The following MACROD2 variants were observed in gnomAD, a reference collection of about 807,000 sequenced individuals.
MACROD2 encodes ADP-ribose glycohydrolase MACROD2.
MACROD2 carries 36 observed loss-of-function variants against 70.4 expected under a neutral mutation model. The ratio of observed to expected loss-of-function variants is 0.51; its 90% CI spans 0.39 to 0.68. The LOEUF (loss-of-function observed/expected upper bound fraction) is 0.68. Ranked by LOEUF, MACROD2 falls within the 30% of genes least tolerant of loss-of-function variation. The pLI, the probability that MACROD2 is intolerant of heterozygous loss-of-function variation, is 0.00. For synonymous variants in MACROD2, 172 were observed against 178.8 expected (o/e 0.96, Z 0.30); for missense variants, 496 against 538.4 (o/e 0.92, Z 0.78).
intron 7 of MACROD2, among the ~76,000 whole-genome samples, chr20:15,470,474 G>C (rs961961613): frequency 2.6e-5 from 4 of 152,096 alleles, no homozygotes; most frequent in African/African-American, 9.7e-5. Flanking sequence ...CCTTCAACAG[G>C]GGTTGGAGGG....
intron 4 of MACROD2, among the ~76,000 whole-genome samples, chr20:14,518,937 A>G (rs2085134363): frequency 6.6e-6 from 1 of 152,210 alleles, no homozygotes; most frequent in Non-Finnish European, 1.5e-5. Context: ...TCATGACATT[A>G]TGAAAGCAGA....
intron 4 of MACROD2, among the ~76,000 whole-genome samples, chr20:14,599,922 G>C (rs1258161204): frequency 6.6e-6 from 1 of 152,066 alleles, no homozygotes; most frequent in Admixed American, 6.5e-5. Context: ...AACTGAGATA[G>C]CTATCACTGA....
chr20:15,758,462 C>G (rs1247573101), intron 8 of MACROD2, among the ~76,000 whole-genome samples: 1 of 151,206 alleles, frequency 6.6e-6, no homozygotes, highest in East Asian at 2.0e-4. Flanking sequence ...CTGGACTTGA[C>G]CTCCTGACCC....
At chr20:14,277,183 C>T (rs553939453) in intron 3 of MACROD2, among the ~76,000 whole-genome samples, 1 of 151,958 alleles carries the variant, frequency 6.6e-6, no homozygotes, top group Non-Finnish European at 1.5e-5. Flanking sequence ...GGCACTGTGG[C>T]TCACGCCTGT....
chr20:14,399,437 T>C (rs942662593), intron 3 of MACROD2, among the ~76,000 whole-genome samples: 2 of 152,150 alleles, frequency 1.3e-5, no homozygotes, highest in African/African-American at 4.8e-5. Flanking sequence ...CATGGAGAAG[T>C]CTGCTGTCAT....
intron 3 of MACROD2, among the ~76,000 whole-genome samples, chr20:14,397,460 A>C (rs185485203): frequency 6.6e-6 from 1 of 152,240 alleles, no homozygotes; most frequent in Non-Finnish European, 1.5e-5. Flanking sequence ...TAGTTTATGT[A>C]TGTAACAAGC....
intron 2 of MACROD2, among the ~76,000 whole-genome samples, chr20:14,023,352 C>T (rs774488426): frequency 1.6e-4 from 25 of 152,304 alleles, no homozygotes; most frequent in African/African-American, 7.2e-5. Context: ...TGTAGGTTGT[C>T]TGTTCACTCT....
rs559300457 is a variant in MACROD2 at position 14,082,439 on chromosome 20, G to A, written c.164-3182G>A. Among the ~76,000 whole-genome samples the A allele has an allele frequency of 7.5e-3, 1,101 of 146,064 alleles. 13 individuals carry two copies. Among genetic ancestry groups the A allele is most frequent in the African/African-American group, 0.026 (1,041 of 39,400 alleles). The stretch of plus-strand genomic sequence containing the variant: ...GATCTCCTGACCTCATGATCCACCC[G>A]CCTCAGCCTCCCAAAGTGTTGGGAT... On this transcript the variant is annotated intron_variant, in intron 2 of 17. Transcript: ENST00000684519.
At chr20:15,208,089 T>C (rs1335631422) in intron 5 of MACROD2, among the ~76,000 whole-genome samples, 1 of 151,854 alleles carries the variant, frequency 6.6e-6, no homozygotes, top group Non-Finnish European at 1.5e-5. Flanking sequence ...AACTCTATTT[T>C]TTTTGACGTT....
chr20:15,868,331 A>G (rs1233464335), intron 9 of MACROD2, among the ~76,000 whole-genome samples: 2 of 151,980 alleles, frequency 1.3e-5, no homozygotes, highest in African/African-American at 4.8e-5. Flanking sequence ...ACAGATTTCT[A>G]TATCTTGACC....
intron 3 of MACROD2, among the ~76,000 whole-genome samples, chr20:14,134,810 A>AAC (rs2054771713): frequency 6.6e-6 from 1 of 151,408 alleles, no homozygotes; most frequent in Non-Finnish European, 1.5e-5. Flanking sequence ...TCAAAAAAAA[A>AAC]AAAAAAAAAA....
At chr20:15,255,620 A>G (rs1031600965) in intron 6 of MACROD2, among the ~76,000 whole-genome samples, 5 of 152,122 alleles carry the variant, frequency 3.3e-5, no homozygotes, top group Non-Finnish European at 7.4e-5. Flanking sequence ...GTGAGGTGAA[A>G]GATTTAAAGC....
rs1377741967 is a variant in MACROD2 at position 14,862,658 on chromosome 20, T to A, written c.418+177699T>A. Among the ~76,000 whole-genome samples the A allele has an allele frequency of 2.8e-3, 126 of 45,460 alleles. 5 individuals carry two copies. Among genetic ancestry groups the A allele is most frequent in the Non-Finnish European group, 3.5e-3 (89 of 25,494 alleles). The allele number at this position is 45,460 out of a possible 152,430, so 29.8% of individuals were successfully genotyped here. A position where few individuals can be genotyped will look rare whatever the true frequency, so the allele number is the denominator to read the frequency against. ...ATATATATAAATATATATATATAAA[T>A]ATATATATAAATATATATAAATATA... is the stretch of plus-strand genomic sequence containing the variant. On this transcript the variant is annotated intron_variant, in intron 5 of 17. Transcript: ENST00000684519.
intron 5 of MACROD2, among the ~76,000 whole-genome samples, chr20:14,858,932 C>CTT (rs1425162639): frequency 6.6e-6 from 1 of 152,014 alleles, no homozygotes; most frequent in African/African-American, 2.4e-5. Context: ...ACATGAAGTA[C>CTT]TAATTTAAAG....
intron 8 of MACROD2, among the ~76,000 whole-genome samples, chr20:15,653,241 A>G (rs1040246837): frequency 1.3e-5 from 2 of 152,222 alleles, no homozygotes; most frequent in African/African-American, 4.8e-5. Flanking sequence ...ATAAATTGCT[A>G]TGTCTTTTAT....
rs1369248292 is a variant in MACROD2, at chr20:14,515,465, G to GCGCACACACACACACACA, written c.301+21958_301+21959insGCACACACACACACACAC. Among the ~76,000 whole-genome samples the GCGCACACACACACACACA allele has an allele frequency of 7.7e-3, 975 of 127,116 alleles. 7 individuals are homozygous for GCGCACACACACACACACA. The highest frequency in any genetic ancestry group is 0.018 in the African/African-American group (588 of 31,918). 83.4% of individuals were successfully genotyped at this position (127,116 alleles called of 152,430 possible). ...AAGAATATGTGAGATACACACACAC[G>GCGCACACACACACACACA]CACACACACACACACACACACACAC... On this transcript the variant is annotated intron_variant, in intron 4 of 17. Coordinates refer to ENST00000684519, the MANE Select transcript of MACROD2 (RefSeq NM_001351661.2).
chr20:14,799,917 C>T (rs558254924), intron 5 of MACROD2, among the ~76,000 whole-genome samples: 5 of 152,166 alleles, frequency 3.3e-5, no homozygotes, highest in Non-Finnish European at 5.9e-5. Context: ...AGAAAGATAA[C>T]GCTTTTCTCT....
chr20:14,177,490 A>C (rs556436562), intron 3 of MACROD2, among the ~76,000 whole-genome samples: 6 of 151,898 alleles, frequency 4.0e-5, no homozygotes, highest in African/African-American at 1.4e-4. Flanking sequence ...CTAATTTTGT[A>C]TTTTTAGTAG....
At position 15,613,287 on chromosome 20, in the gene MACROD2, G is replaced by A. The variant is rs375181643; in HGVS notation, c.645+113440G>A. ...TCCAACGTCTTTGTCTACTTATTAT[G>A]ACAGCTTGTTCTCTCCTGATTGGGG... On this transcript the variant is annotated intron_variant, in intron 8 of 17. Coordinates refer to ENST00000684519, the MANE Select transcript of MACROD2 (RefSeq NM_001351661.2). Among the ~76,000 whole-genome samples the A allele has an allele frequency of 7.2e-4, 109 of 152,282 alleles. 2 individuals are homozygous for A. In the South Asian group the frequency reaches 0.021, roughly 29 times the overall value.
Sources: allele counts gnomAD v4.1 joint callset (sites outside exome capture counted in the v4.1 genomes callset), GRCh38; gene constraint gnomAD v4.1.1; transcripts MANE v1.5; gene names NCBI Gene and HGNC (gene_info 2026-07-23, HGNC 2026-07-21).